The following CELF2 variants were observed in gnomAD, a reference collection of about 807,000 sequenced individuals.
CELF2 encodes the protein CUG triplet repeat RNA-binding protein 2.
In CELF2, 8 loss-of-function variants were observed where a neutral mutation model predicts 62.6. That is an observed-to-expected ratio of 0.13 (90% CI 0.07 to 0.23). The LOEUF (loss-of-function observed/expected upper bound fraction) is 0.23. CELF2 is among the 10% of genes least tolerant of loss of function. The pLI is 1.00. For synonymous variants in CELF2, 258 were observed against 250.0 expected (o/e 1.03, Z -0.30); for missense variants, 333 against 671.0 (o/e 0.50, Z 5.56).
At chr10:10,650,960 C>T in the CELF2 span, among the ~76,000 whole-genome samples, 3 of 151,942 alleles carry the variant, frequency 2.0e-5, no homozygotes, top group South Asian at 2.1e-4. Context: ...TCTGAGGTAC[C>T]GGGTTCATCT....
intron 1 of CELF2, among the ~76,000 whole-genome samples, chr10:11,021,403 C>G (rs1023000069): frequency 2.6e-5 from 4 of 152,130 alleles, no homozygotes; most frequent in Admixed American, 2.6e-4. Context: ...GGCAAAATAT[C>G]TATCAGTGTA....
intron 1 of CELF2, among the ~76,000 whole-genome samples, chr10:10,815,286 G>T (rs1383025714): frequency 6.6e-6 from 1 of 152,128 alleles, no homozygotes; most frequent in South Asian, 2.1e-4. Flanking sequence ...TGGGCAACTG[G>T]CCTTGTGCTG....
chr10:11,136,231 T>C (rs1453176438), intron 1 of CELF2, among the ~76,000 whole-genome samples: 1 of 152,204 alleles, frequency 6.6e-6, no homozygotes, highest in East Asian at 1.9e-4. Context: ...CTATGCTGAC[T>C]ACTTGAGATG....
chr10:11,052,679 A>G (rs182386135), intron 1 of CELF2, among the ~76,000 whole-genome samples: 3 of 152,326 alleles, frequency 2.0e-5, no homozygotes, highest in Admixed American at 6.5e-5. Flanking sequence ...TCTGACGGTA[A>G]CCTTGTATGA....
At chr10:10,579,153 G>A in the CELF2 span, among the ~76,000 whole-genome samples, 1 of 152,230 alleles carries the variant, frequency 6.6e-6, no homozygotes, top group South Asian at 2.1e-4. Context: ...TGCTGTAAAG[G>A]AATAACAAGT....
At chr10:11,295,183 G>A (rs2093017947) in intron 9 of CELF2, among the ~76,000 whole-genome samples, 2 of 151,858 alleles carry the variant, frequency 1.3e-5, no homozygotes, top group African/African-American at 4.9e-5. Context: ...AAATGACTCT[G>A]TAGTGACTGT....
chr10:10,537,168 A>G, the CELF2 span, among the ~76,000 whole-genome samples: 106 of 152,326 alleles, frequency 7.0e-4, no homozygotes, highest in Middle Eastern at 3.4e-3. Context: ...GGAAGGAGAC[A>G]CAAGACTTAG....
At chr10:10,829,656 G>A (rs945885939) in intron 1 of CELF2, among the ~76,000 whole-genome samples, 2 of 152,114 alleles carry the variant, frequency 1.3e-5, no homozygotes, top group African/African-American at 2.4e-5. Context: ...AAGGTGCTAG[G>A]TTTTTTTCTG....
chr10:10,868,986 A>T (rs1319968219), intron 1 of CELF2, among the ~76,000 whole-genome samples: 1 of 152,236 alleles, frequency 6.6e-6, no homozygotes, highest in East Asian at 1.9e-4. Flanking sequence ...CACACATGTA[A>T]AAGAATGTTA....
the CELF2 span, among the ~76,000 whole-genome samples, chr10:10,686,496 C>T: frequency 1.3e-5 from 2 of 152,232 alleles, no homozygotes; most frequent in African/African-American, 4.8e-5. Context: ...ACCCAAATCT[C>T]CCCTTGAATT....
chr10:10,651,431 CA>C, the CELF2 span, among the ~76,000 whole-genome samples: 1 of 140,544 alleles, frequency 7.1e-6, no homozygotes, highest in African/African-American at 2.6e-5. Context: ...CACAGACAAA[CA>C]AAAAGACAGC....
At chr10:10,575,562 C>G in the CELF2 span, among the ~76,000 whole-genome samples, 1 of 152,132 alleles carries the variant, frequency 6.6e-6, no homozygotes, top group South Asian at 2.1e-4. Flanking sequence ...TCCACCATCA[C>G]GTAAAAAGAT....
At chr10:11,126,118 A>G (rs996506287) in intron 1 of CELF2, among the ~76,000 whole-genome samples, 6 of 152,254 alleles carry the variant, frequency 3.9e-5, no homozygotes, top group African/African-American at 1.4e-4. Flanking sequence ...TGTCTGGAAG[A>G]CAATGACCAA....
the CELF2 span, among the ~76,000 whole-genome samples, chr10:10,542,939 A>G: frequency 1.3e-5 from 2 of 152,184 alleles, no homozygotes; most frequent in Middle Eastern, 3.2e-3. Context: ...ATATATGACC[A>G]GGCCATTGTC....
chr10:10,558,077 T>C, the CELF2 span, among the ~76,000 whole-genome samples: 1 of 150,230 alleles, frequency 6.7e-6, no homozygotes, highest in Non-Finnish European at 1.5e-5. Flanking sequence ...CTATGTTGAA[T>C]AGGAGTGGTG....
the CELF2 span, among the ~76,000 whole-genome samples, chr10:10,646,709 G>C: frequency 6.6e-6 from 1 of 152,196 alleles, no homozygotes; most frequent in African/African-American, 2.4e-5. Context: ...TACTGACCCA[G>C]GATGTTCTGA....
At position 11,246,934 on chromosome 10, in the gene CELF2, C is replaced by T. The variant is rs1565530177; in HGVS notation, c.355-2219C>T. Among the ~76,000 whole-genome samples, 1 of 152,210 alleles carries T rather than the reference C, an allele frequency of 6.6e-6. No individual in the cohort carries two copies. Among genetic ancestry groups the T allele is most frequent in the Admixed American group, 6.5e-5 (1 of 15,282 alleles). ...CCAGACCTGCGCTCGTCAGCCGCCT[C>T]TGAAACTCTTTGCTCATGCTTTCCC... On this transcript the variant is annotated intron_variant, in intron 3 of 12. Transcript: ENST00000633077. This position sits in a 1 kb window ranked among gnomAD's most constrained non-coding sequence, Gnocchi z 4.6.
At chr10:11,279,455 G>A (rs2087439532) in intron 8 of CELF2, among the ~76,000 whole-genome samples, 1 of 152,126 alleles carries the variant, frequency 6.6e-6, no homozygotes, top group African/African-American at 2.4e-5. Flanking sequence ...AATTGGAGGC[G>A]CTCCCGGAGT....
chr10:10,578,707 C>T, the CELF2 span, among the ~76,000 whole-genome samples: 1 of 152,286 alleles, frequency 6.6e-6, no homozygotes, highest in South Asian at 2.1e-4. Flanking sequence ...ATTCTACTTT[C>T]ATTACGTTGG....
Sources: allele counts gnomAD v4.1 joint callset (sites outside exome capture counted in the v4.1 genomes callset), GRCh38; gene constraint gnomAD v4.1.1; non-coding constraint Gnocchi (gnomAD v3.1); transcripts MANE v1.5; gene names NCBI Gene and HGNC (gene_info 2026-07-23, HGNC 2026-07-21).